The following DNM1 variants were observed in gnomAD, a reference collection of about 807,000 sequenced individuals.
The protein encoded by DNM1 is dynamin-1.
Under a neutral mutation model 104.6 loss-of-function variants are expected in DNM1, and 29 were observed. The observed-to-expected ratio is 0.28, with a 90% CI of 0.21 to 0.38. The LOEUF is 0.38. Among genes scored for constraint, DNM1 ranks in the 10% least tolerant of loss-of-function variants. The pLI is 1.00. For missense variants in DNM1, 640 were observed against 1,189.4 expected, an observed-to-expected ratio of 0.54 and a Z score of 6.79; for synonymous variants, 445 against 475.8, an observed-to-expected ratio of 0.94 and a Z score of 0.84.
Position 128,218,746 on chromosome 9 carries a change from C to T in DNM1, c.385+15C>T, listed in dbSNP as rs913466895. Reference sequence around the variant, plus strand: ...CTCGCCGCACGGTGAGGACCCTGGCCCCGCCCTAACCTCTAAGAATCATTT... The same window carrying T: ...CTCGCCGCACGGTGAGGACCCTGGCTCCGCCCTAACCTCTAAGAATCATTT... On this transcript the variant is annotated intron_variant, in intron 3 of 21. Transcript: ENST00000372923. This position sits in a 1 kb window ranked among gnomAD's most constrained non-coding sequence, Gnocchi z 4.8. 19 of 1,577,962 alleles carry T rather than the reference C, an allele frequency of 1.2e-5. No homozygotes were observed. Among genetic ancestry groups the T allele is most frequent in the Non-Finnish European group, 1.6e-5 (19 of 1,158,704 alleles).
rs186445313 is a variant in DNM1, at chr9:128,243,625, G to C, written c.1671+1280G>C. 2.1e-3 allele frequency among the ~76,000 whole-genome samples: 322 copies of C among 152,284 alleles called. No homozygotes were observed. Among genetic ancestry groups the C allele is most frequent in the African/African-American group, 7.5e-3 (310 of 41,564 alleles). ...GTGTGCAGTGGCATGGGGTGCGGGT[G>C]GGGGGTGGCTTCCTGCCGGTCTCTC... On this transcript the variant is annotated intron_variant, in intron 15 of 21. Transcript: ENST00000372923. The surrounding 1 kb of genome is among the most constrained non-coding windows in gnomAD (Gnocchi z 4.0).
At position 128,220,115 on chromosome 9, in the gene DNM1, C is replaced by A. The variant is rs1388757555; in HGVS notation, c.688+29C>A. The A allele has an allele frequency of 3.7e-6, 6 of 1,612,822 alleles. No individual in the cohort carries two copies. The highest frequency in any genetic ancestry group is 4.2e-6 in the Non-Finnish European group (5 of 1,178,920). Reference sequence around the variant, plus strand: ...AGCAGGCCATGCCCCTCAACCACTCCCCAGCCCTTCCCCACCCTTCCCCTC... The same window carrying A: ...AGCAGGCCATGCCCCTCAACCACTCACCAGCCCTTCCCCACCCTTCCCCTC... On this transcript the variant is annotated intron_variant, in intron 5 of 21. Transcript: ENST00000372923. This position sits in a 1 kb window ranked among gnomAD's most constrained non-coding sequence, Gnocchi z 5.2.
At chr9:128,239,867 G>T in intron 13 of DNM1, 88 bp downstream of exon 13, 4 of 1,566,116 alleles carry the variant, frequency 2.6e-6, no homozygotes, top group Non-Finnish European at 2.6e-6. Flanking sequence ...GAGGGGAAGG[G>T]TCCCACGGGG....
At chr9:128,233,390 T>G (rs1457283215) in intron 10 of DNM1, among the ~76,000 whole-genome samples, 1 of 152,160 alleles carries the variant, frequency 6.6e-6, no homozygotes, top group Non-Finnish European at 1.5e-5. Flanking sequence ...CCGCCTTGCA[T>G]GTCCCCCAGC....
intron 11 of DNM1, among the ~76,000 whole-genome samples, chr9:128,238,444 G>A (rs1287877245): frequency 1.3e-5 from 2 of 151,698 alleles, no homozygotes; most frequent in African/African-American, 4.8e-5. Flanking sequence ...GGCTGGTCTC[G>A]AACTCCTGAC....
Position 128,248,812 on chromosome 9 carries a change from C to T in DNM1, c.2076+59C>T. ...CTGTGGCACTGGGGATGCAGGTGGC[C>T]ATGTTGGCCTGGGGGAGATGCCAAC... is the stretch of plus-strand genomic sequence containing the variant. On this transcript the variant is annotated intron_variant, in intron 19 of 21. Transcript: ENST00000372923. The surrounding 1 kb of genome is among the most constrained non-coding windows in gnomAD (Gnocchi z 5.6). 1 of 1,577,570 alleles carries T rather than the reference C, an allele frequency of 6.3e-7. No individual in the cohort carries two copies. Among genetic ancestry groups the T allele is most frequent in the Non-Finnish European group, 8.7e-7 (1 of 1,154,348 alleles).
intron 11 of DNM1, among the ~76,000 whole-genome samples, chr9:128,235,496 A>G (rs1272204319): frequency 6.6e-6 from 1 of 151,738 alleles, no homozygotes; most frequent in Non-Finnish European, 1.5e-5. Flanking sequence ...TCCGTCTCAA[A>G]AAAAAAAAAA....
chr9:128,247,884 TGGTGGCGGC>T lies in DNM1; in HGVS notation c.1894-33_1894-25del. ...TGTTTCCTTCGGCTGTGCTCCCTGG[TGGTGGCGGC>T]GGTGGCAATGTTGGTGTGTGGGCCT... On this transcript the variant is annotated intron_variant, in intron 17 of 21. Transcript: ENST00000372923. The surrounding 1 kb of genome is among the most constrained non-coding windows in gnomAD (Gnocchi z 5.1). The T allele has an allele frequency of 6.2e-7, 1 of 1,611,166 alleles. No homozygotes were observed. Among genetic ancestry groups the T allele is most frequent in the East Asian group, 2.2e-5 (1 of 44,832 alleles).
chr9:128,215,885 G>A (rs911176459), intron 1 of DNM1, among the ~76,000 whole-genome samples: 3 of 136,998 alleles, frequency 2.2e-5, no homozygotes, highest in Admixed American at 1.5e-4. Context: ...GTGGACCCCC[G>A]GCCCCCACAC....
At chr9:128,210,212 G>C (rs1218923595) in intron 1 of DNM1, among the ~76,000 whole-genome samples, 1 of 151,950 alleles carries the variant, frequency 6.6e-6, no homozygotes, top group Non-Finnish European at 1.5e-5. Context: ...ACCACACCCA[G>C]CTAAGTTTTT....
rs756958861 is a variant in DNM1, at chr9:128,243,789, G to A, written c.1671+1444G>A. ...GTGGGGGAGGGGCACGTGCCACTGAGGGGGTCCCCTGATCTCATGCCTGAG... is the reference window on the plus strand; with the variant it reads ...GTGGGGGAGGGGCACGTGCCACTGAAGGGGTCCCCTGATCTCATGCCTGAG... On this transcript the variant is annotated intron_variant, in intron 15 of 21. Coordinates refer to ENST00000372923, the MANE Select transcript of DNM1 (RefSeq NM_004408.4). The surrounding 1 kb of genome is among the most constrained non-coding windows in gnomAD (Gnocchi z 4.0). 1.3e-5 allele frequency among the ~76,000 whole-genome samples: 2 copies of A among 152,220 alleles called. No individual in the cohort carries two copies. Among genetic ancestry groups the A allele is most frequent in the African/African-American group, 4.8e-5 (2 of 41,456 alleles).
rs116510580 is a variant in DNM1, at chr9:128,253,059, C to T, written c.2535-1595C>T. ...CCCCCACCCCCAGGCCGGCCCCACC[C>T]GTGCGTGTGAACTGCCATGTTGATT... is the stretch of plus-strand genomic sequence containing the variant. On this transcript the variant is annotated intron_variant, in intron 21 of 21. Transcript: ENST00000372923. The surrounding 1 kb of genome is among the most constrained non-coding windows in gnomAD (Gnocchi z 5.9). The T allele has an allele frequency of 1.3e-4, 211 of 1,609,376 alleles. 1 individual carries two copies. In the African/African-American group the frequency reaches 2.5e-3, roughly 19 times the overall value.
chr9:128,210,972 G>GA (rs35207950), intron 1 of DNM1, among the ~76,000 whole-genome samples: 72,953 of 148,596 alleles, frequency 0.49, 21,131 homozygotes, highest in South Asian at 0.68. Context: ...ATAAGCAACA[G>GA]AAAAAAAAAA....
At chr9:128,234,664 G>T (rs528304571) in intron 11 of DNM1, among the ~76,000 whole-genome samples, 4 of 152,114 alleles carry the variant, frequency 2.6e-5, no homozygotes, top group Non-Finnish European at 4.4e-5. Context: ...GTGAGCCACC[G>T]CGCCTGGCCC....
chr9:128,247,612 T>TC lies in DNM1; in HGVS notation c.1893+132dup, dbSNP rs1041841293. On this transcript the variant is annotated intron_variant, in intron 17 of 21. Transcript: ENST00000372923. This position sits in a 1 kb window ranked among gnomAD's most constrained non-coding sequence, Gnocchi z 5.1. Reference sequence around the variant, plus strand: ...TTTGGCTCAGAAATAATAGGAATCCTCCCCCCTACCCACTCTGGGGGTGGG... The same window carrying TC: ...TTTGGCTCAGAAATAATAGGAATCCTCCCCCCCTACCCACTCTGGGGGTGGG... The TC allele has an allele frequency of 1.2e-6, 1 of 816,200 alleles. No individual in the cohort carries two copies. The highest frequency in any genetic ancestry group is 1.7e-5 in the African/African-American group (1 of 58,502). 50.6% of individuals were successfully genotyped at this position (816,200 alleles called of 1,614,324 possible).
In DNM1 at chr9:128,253,731, C is replaced by T. The variant is rs1269311707; in HGVS notation, c.2535-923C>T. The stretch of plus-strand genomic sequence containing the variant: ...GAGTCCCATACACACGGTCATCCCA[C>T]GACATACCTCACAGGCCAGGCAGGG... On this transcript the variant is annotated intron_variant, in intron 21 of 21. Transcript: ENST00000372923. The surrounding 1 kb of genome is among the most constrained non-coding windows in gnomAD (Gnocchi z 5.9). The T allele has an allele frequency of 1.5e-5, 5 of 336,754 alleles. No individual in the cohort carries two copies. The highest frequency in any genetic ancestry group is 4.3e-5 in the African/African-American group (2 of 46,902). The allele number at this position is 336,754 out of a possible 1,614,324, so 20.9% of individuals were successfully genotyped here.
chr9:128,229,353 A>G (rs898523900), intron 10 of DNM1, among the ~76,000 whole-genome samples: 15 of 151,400 alleles, frequency 9.9e-5, no homozygotes, highest in African/African-American at 3.6e-4. Flanking sequence ...CTCCTGGGTT[A>G]TTTTAGAGAC....
In DNM1 at chr9:128,244,500, C is replaced by T. The variant is rs537456237; in HGVS notation, c.1672-1894C>T. ...GAGGGAGGCTCTTTGGGCAGACCGG[C>T]GGCTGCCCACATCCCCAGTCCCCAT... On this transcript the variant is annotated intron_variant, in intron 15 of 21. Transcript: ENST00000372923. 5.9e-5 allele frequency among the ~76,000 whole-genome samples: 9 copies of T among 152,024 alleles called. No individual in the cohort carries two copies. The South Asian group carries it at 6.2e-4, about 11-fold the overall frequency.
chr9:128,213,476 C>A (rs1371547537), intron 1 of DNM1, among the ~76,000 whole-genome samples: 3 of 104,072 alleles, frequency 2.9e-5, no homozygotes, highest in Non-Finnish European at 5.4e-5. Flanking sequence ...GTCATCAACC[C>A]TTGGATTGAT....
Sources: gnomAD v4.1 joint callset for allele counts (sites outside exome capture counted in the v4.1 genomes callset) on GRCh38, gnomAD v4.1.1 for gene constraint, Gnocchi (gnomAD v3.1) non-coding constraint, MANE v1.5 for transcripts, NCBI Gene and HGNC (gene_info 2026-07-23, HGNC 2026-07-21) for gene names.